CEP83: variants seen among roughly 807,000 people sequenced by gnomAD.
The protein encoded by CEP83 is centrosomal protein 83, also known as centrosomal protein of 83 kDa.
CEP83 carries 70 observed loss-of-function variants against 101.9 expected under a neutral mutation model. The observed-to-expected ratio is 0.69, with a 90% CI of 0.57 to 0.84. The LOEUF (loss-of-function observed/expected upper bound fraction) is 0.84. Ranked by LOEUF, CEP83 falls within the 40% of genes least tolerant of loss-of-function variation. The pLI is 0.00. For missense variants in CEP83, 715 were observed against 787.2 expected (o/e 0.91, Z 1.10); for synonymous variants, 264 against 267.9 (o/e 0.99, Z 0.14).
chr12:94,297,160 C>G, the CEP83 span: 4 of 1,612,530 alleles, frequency 2.5e-6, no homozygotes, highest in Non-Finnish European at 3.4e-6. Flanking sequence ...TAATGGACTG[C>G]TTTCTCTCCC....
intron 11 of CEP83, among the ~76,000 whole-genome samples, chr12:94,339,367 T>C (rs944000685): frequency 6.6e-6 from 1 of 152,222 alleles, no homozygotes; most frequent in Non-Finnish European, 1.5e-5. Context: ...TGTTGTCTGA[T>C]AGAACTTTCT....
At chr12:94,325,743 G>C (rs2058948304) in intron 14 of CEP83, among the ~76,000 whole-genome samples, 1 of 152,010 alleles carries the variant, frequency 6.6e-6, no homozygotes, top group South Asian at 2.1e-4. Context: ...ATGGGGTGGG[G>C]GAAAATTTGA....
At chr12:94,445,005 C>A (rs2066692349) in intron 1 of CEP83, among the ~76,000 whole-genome samples, 1 of 151,458 alleles carries the variant, frequency 6.6e-6, no homozygotes. Context: ...CATATGGAAA[C>A]ACAAGGGACC....
chr12:94,301,217 C>T, the CEP83 span, among the ~76,000 whole-genome samples: 1 of 152,186 alleles, frequency 6.6e-6, no homozygotes, highest in African/African-American at 2.4e-5. Context: ...AAATCTGTCT[C>T]ATTATTTTTA....
At chr12:94,321,828 G>C (rs962236047) in intron 14 of CEP83, among the ~76,000 whole-genome samples, 1 of 152,034 alleles carries the variant, frequency 6.6e-6, no homozygotes, top group Admixed American at 6.6e-5. Context: ...TGGTGGGGAT[G>C]GCTGGAGATT....
At chr12:94,395,778 G>A (rs892528911) in intron 6 of CEP83, among the ~76,000 whole-genome samples, 5 of 152,278 alleles carry the variant, frequency 3.3e-5, no homozygotes, top group South Asian at 2.1e-4. Flanking sequence ...CCAAGATGGC[G>A]CCGCTGCGCT....
chr12:94,393,086 A>C (rs1218071027), intron 6 of CEP83, among the ~76,000 whole-genome samples: 1 of 152,242 alleles, frequency 6.6e-6, no homozygotes, highest in East Asian at 1.9e-4. Flanking sequence ...AAACTATTCC[A>C]ATCAATAGAA....
At chr12:94,433,539 G>A (rs138170234) in intron 2 of CEP83, among the ~76,000 whole-genome samples, 1,794 of 151,992 alleles carry the variant, frequency 0.012, 24 homozygotes, top group Non-Finnish European at 0.021. Flanking sequence ...AAATTAGCCC[G>A]GTGTGGTAGC....
intron 14 of CEP83, among the ~76,000 whole-genome samples, chr12:94,318,386 C>T (rs1971065982): frequency 6.6e-6 from 1 of 152,098 alleles, no homozygotes; most frequent in Non-Finnish European, 1.5e-5. Flanking sequence ...TCTCCTCCTA[C>T]TTGGATGCCC....
chr12:94,351,537 G>A (rs892555453), intron 11 of CEP83, among the ~76,000 whole-genome samples: 1 of 152,180 alleles, frequency 6.6e-6, no homozygotes, highest in Non-Finnish European at 1.5e-5. Flanking sequence ...ACACAGAGCA[G>A]TAAAGCCAAA....
the CEP83 span, among the ~76,000 whole-genome samples, chr12:94,293,028 C>T: frequency 4.6e-5 from 7 of 152,140 alleles, no homozygotes; most frequent in Non-Finnish European, 8.8e-5. Flanking sequence ...AAATATCTAA[C>T]ATGATAGTTT....
At chr12:94,311,482 T>G (rs2136286573) in intron 15 of CEP83, among the ~76,000 whole-genome samples, 1 of 152,274 alleles carries the variant, frequency 6.6e-6, no homozygotes, top group African/African-American at 2.4e-5. Flanking sequence ...GGGGGCAGTC[T>G]TGTGGGACTG....
At chr12:94,446,942 G>A (rs954518136) in intron 1 of CEP83, among the ~76,000 whole-genome samples, 2 of 151,994 alleles carry the variant, frequency 1.3e-5, no homozygotes, top group Non-Finnish European at 2.9e-5. Flanking sequence ...CTTTAAAAAG[G>A]AGCGAGAGAA....
At chr12:94,423,674 GA>G in intron 2 of CEP83, 3 of 1,574,768 alleles carry the variant, frequency 1.9e-6, no homozygotes, top group Non-Finnish European at 1.7e-6. Context: ...TAACCCTCTG[GA>G]ATTTGGGAGC....
At chr12:94,319,920 C>T (rs936229914) in intron 14 of CEP83, among the ~76,000 whole-genome samples, 1 of 152,076 alleles carries the variant, frequency 6.6e-6, no homozygotes, top group African/African-American at 2.4e-5. Context: ...TAACTTTCTT[C>T]CTCAAGGATT....
chr12:94,402,229 C>G (rs562829213), intron 5 of CEP83: 2 of 152,186 alleles, frequency 1.3e-5, no homozygotes, highest in South Asian at 4.1e-4. Flanking sequence ...TCTCTTTCAA[C>G]AAATATTAAT....
the CEP83 span, chr12:94,277,952 C>G: frequency 2.2e-6 from 1 of 456,050 alleles, no homozygotes; most frequent in Non-Finnish European, 4.4e-6. Flanking sequence ...GTTTTCATCT[C>G]TCCCCTGAGC....
intron 4 of CEP83, among the ~76,000 whole-genome samples, chr12:94,404,862 GTAT>G (rs570624689): frequency 7.0e-4 from 107 of 152,164 alleles, no homozygotes; most frequent in Non-Finnish European, 2.8e-4. Context: ...ACACAAGCAT[GTAT>G]ATCACTTTTG....
At chr12:94,401,795 C>A (rs1201756681) in intron 5 of CEP83, among the ~76,000 whole-genome samples, 1 of 152,036 alleles carries the variant, frequency 6.6e-6, no homozygotes, top group African/African-American at 2.4e-5. Flanking sequence ...TGAACTTGGT[C>A]ACTTATCTTG....
Sources: allele counts gnomAD v4.1 joint callset (sites outside exome capture counted in the v4.1 genomes callset), GRCh38; gene constraint gnomAD v4.1.1; transcripts MANE v1.5; gene names NCBI Gene and HGNC (gene_info 2026-07-23, HGNC 2026-07-21).